The following LSM11 variants were observed in gnomAD, a reference collection of about 807,000 sequenced individuals.
The protein encoded by LSM11 is LSM11, U7 small nuclear RNA associated.
In LSM11, 14 loss-of-function variants were observed where a neutral mutation model predicts 28.1. The observed-to-expected ratio is 0.50, with a 90% CI of 0.33 to 0.78. LSM11 has a LOEUF of 0.78. LSM11 is among the 30% of genes least tolerant of loss of function. The pLI, the probability that LSM11 is intolerant of heterozygous loss-of-function variation, is 0.02. For missense variants in LSM11, 495 were observed against 510.6 expected (o/e 0.97, Z 0.30); for synonymous variants, 207 against 214.2 (o/e 0.97, Z 0.30).
intron 2 of LSM11, among the ~76,000 whole-genome samples, chr5:157,752,832 C>T (rs150306058): frequency 1.9e-4 from 24 of 127,158 alleles, no homozygotes; most frequent in African/African-American, 5.2e-4. Context: ...GGTGGCAGAG[C>T]GAGACTCTGT....
At chr5:157,752,670 A>AC (rs1384379879) in intron 2 of LSM11, among the ~76,000 whole-genome samples, 3 of 150,064 alleles carry the variant, frequency 2.0e-5, no homozygotes, top group Middle Eastern at 3.2e-3. Flanking sequence ...ACATAGGGAA[A>AC]CCCCCATCTC....
chr5:157,749,728 T>C (rs187239537), intron 1 of LSM11, among the ~76,000 whole-genome samples: 1 of 152,358 alleles, frequency 6.6e-6, no homozygotes, highest in Admixed American at 6.5e-5. Flanking sequence ...AAGTCACTGC[T>C]TCGTGTCGCT....
chr5:157,745,357 T>C (rs1258336663), intron 1 of LSM11, among the ~76,000 whole-genome samples: 1 of 152,232 alleles, frequency 6.6e-6, no homozygotes, highest in Non-Finnish European at 1.5e-5. Context: ...CTCTGTGCTG[T>C]TCCGTGTGCC....
chr5:157,752,629 TG>T (rs1278859632), intron 2 of LSM11, among the ~76,000 whole-genome samples: 1 of 151,180 alleles, frequency 6.6e-6, no homozygotes, highest in East Asian at 2.0e-4. Flanking sequence ...GCGGATCGCC[TG>T]AGGCCAGGAG....
Position 157,757,757 on chromosome 5 carries a change from C to G in LSM11, c.*2493C>G, listed in dbSNP as rs1446879201. On this transcript the variant is annotated 3_prime_UTR_variant, in exon 4 of 4. Transcript: ENST00000286307. ...CCCTCGGCTAGAATGATGTACTCTACTTTCCCAATAAGGTAGAAATTTGGA... is the reference window on the plus strand; with the variant it reads ...CCCTCGGCTAGAATGATGTACTCTAGTTTCCCAATAAGGTAGAAATTTGGA... The G allele has an allele frequency of 1.3e-5, 2 of 152,232 alleles. No homozygotes were observed. Among genetic ancestry groups the G allele is most frequent in the Non-Finnish European group, 2.9e-5 (2 of 68,046 alleles). 9.4% of individuals were successfully genotyped at this position (152,232 alleles called of 1,614,324 possible). A position where few individuals can be genotyped will look rare whatever the true frequency, so the allele number is the denominator to read the frequency against.
Position 157,757,539 on chromosome 5 carries a change from G to A in LSM11, c.*2275G>A, listed in dbSNP as rs796873034. ...AATGCATTGTAAAGTGTACTCTAGA[G>A]CCAGATCAGGTGCACTAAAGTTTAT... On this transcript the variant is annotated 3_prime_UTR_variant, in exon 4 of 4. Transcript: ENST00000286307. 1.3e-5 allele frequency: 2 copies of A among 152,186 alleles called. No individual in the cohort carries two copies. The highest frequency in any genetic ancestry group is 2.9e-5 in the Non-Finnish European group (2 of 68,034). 9.4% of individuals were successfully genotyped at this position (152,186 alleles called of 1,614,324 possible). A position where few individuals can be genotyped will look rare whatever the true frequency, so the allele number is the denominator to read the frequency against.
chr5:157,751,242 G>C, intron 1 of LSM11, 148 bp from the exon 2 acceptor site: 1 of 741,978 alleles, frequency 1.3e-6, no homozygotes, highest in Non-Finnish European at 2.1e-6. Flanking sequence ...TACGAGCCAT[G>C]TTGCCCATTG....
At chr5:157,748,575 A>G (rs1722157891) in intron 1 of LSM11, among the ~76,000 whole-genome samples, 1 of 152,170 alleles carries the variant, frequency 6.6e-6, no homozygotes, top group African/African-American at 2.4e-5. Context: ...GTAGCATATA[A>G]GCCCTGCATC....
At chr5:157,746,369 TAATG>T (rs1761148533) in intron 1 of LSM11, among the ~76,000 whole-genome samples, 1 of 152,198 alleles carries the variant, frequency 6.6e-6, no homozygotes, top group South Asian at 2.1e-4. Flanking sequence ...CAGTGAAACA[TAATG>T]AAGAATACAT....
chr5:157,756,479 T>A lies in LSM11; in HGVS notation c.*1215T>A, dbSNP rs964632134. 2.6e-5 allele frequency: 4 copies of A among 152,634 alleles called. No individual in the cohort carries two copies. Among genetic ancestry groups the A allele is most frequent in the African/African-American group, 9.6e-5 (4 of 41,464 alleles). The allele number at this position is 152,634 out of a possible 1,614,324, so 9.5% of individuals were successfully genotyped here. A position where few individuals can be genotyped will look rare whatever the true frequency, so the allele number is the denominator to read the frequency against. ...TGTTTTGTTTTTATTTGGTTTTATC[T>A]GAGATAACTTATGTTCAAGGTGAGA... On this transcript the variant is annotated 3_prime_UTR_variant, in exon 4 of 4. Transcript: ENST00000286307.
At position 157,755,063 on chromosome 5, in the gene LSM11, G is replaced by C. The variant is rs1468922994; in HGVS notation, c.882G>C (p.Arg294Ser). 7 of 1,614,108 alleles carry C rather than the reference G, an allele frequency of 4.3e-6. No homozygotes were observed. In the African/African-American group the frequency reaches 8.0e-5, roughly 18 times the overall value. ...SLQASAREES[R>S]SELSGRTTRT... ...AGGCCTCTGCAAGGGAGGAGTCCAG[G>C]TCAGAGCTGTCAGGGAGGACTACAC... is the stretch of plus-strand genomic sequence containing the variant. The change falls in exon 4 of 4, where the codon AGG becomes AGC. Residue 294 changes from arginine to serine, a missense_variant. Coordinates refer to ENST00000286307, the MANE Select transcript of LSM11 (RefSeq NM_173491.4).
At position 157,744,258 on chromosome 5, in the gene LSM11, G is replaced by GGGGC. The variant is rs1486308991; in HGVS notation, c.448+62_448+65dup. 3 of 1,205,128 alleles carry GGGGC rather than the reference G, an allele frequency of 2.5e-6. No homozygotes were observed. In the African/African-American group the frequency reaches 4.7e-5, roughly 19 times the overall value. 74.7% of individuals were successfully genotyped at this position (1,205,128 alleles called of 1,614,324 possible). A position where few individuals can be genotyped will look rare whatever the true frequency, so the allele number is the denominator to read the frequency against. ...CGCCGTCCGGAAGCTGGCTGCCGAG[G>GGGGC]GGGCGTCTGCGGGGCGGCGGTGGCC... On this transcript the variant is annotated intron_variant, in intron 1 of 3. Coordinates refer to ENST00000286307, the MANE Select transcript of LSM11 (RefSeq NM_173491.4).
intron 1 of LSM11, among the ~76,000 whole-genome samples, chr5:157,746,873 A>G: frequency 6.6e-6 from 1 of 152,174 alleles, no homozygotes; most frequent in Non-Finnish European, 1.5e-5. Flanking sequence ...TCATAGGGAC[A>G]TCATAGAGAC....
At chr5:157,753,051 G>A (rs1581452307) in intron 2 of LSM11, among the ~76,000 whole-genome samples, 2 of 152,274 alleles carry the variant, frequency 1.3e-5, no homozygotes, top group East Asian at 3.9e-4. Flanking sequence ...CAATGAATGA[G>A]TTGTGGGTAC....
At chr5:157,749,596 A>C (rs1051557162) in intron 1 of LSM11, among the ~76,000 whole-genome samples, 11 of 139,654 alleles carry the variant, frequency 7.9e-5, no homozygotes, top group Non-Finnish European at 1.4e-4. Flanking sequence ...GCGCACACAC[A>C]CACACACACA....
In LSM11 at chr5:157,754,047, G is replaced by T; in HGVS notation, c.632G>T (p.Gly211Val). Residue 211 changes from glycine (G) to valine (V), a missense_variant, in exon 3 of 4, where the codon GGC (glycine) becomes GTC (valine). Physicochemically the swap from Gly to Val is moderately radical, Grantham distance 109. Transcript: ENST00000286307. ...VDETYRKPVL[G>V]KAYERDSSLT... ...GAGACCTACCGAAAACCTGTCCTAGGCAAAGCATATGAACGGGATTCTTCA... is the reference window on the plus strand; with the variant it reads ...GAGACCTACCGAAAACCTGTCCTAGTCAAAGCATATGAACGGGATTCTTCA... 6.3e-7 allele frequency: 1 copy of T among 1,575,000 alleles called. No homozygotes were observed. The highest frequency in any genetic ancestry group is 1.2e-5 in the South Asian group (1 of 84,688).
chr5:157,748,230 G>A (rs1223286997), intron 1 of LSM11, among the ~76,000 whole-genome samples: 1 of 152,126 alleles, frequency 6.6e-6, no homozygotes, highest in Non-Finnish European at 1.5e-5. Context: ...TCATTTCTCT[G>A]GGCCCTTAAT....
Position 157,754,927 on chromosome 5 carries a change from C to T in LSM11, c.746C>T (p.Thr249Ile), listed in dbSNP as rs780925147. 2 of 1,614,218 alleles carry T rather than the reference C, an allele frequency of 1.2e-6. No individual in the cohort carries two copies. Among genetic ancestry groups the T allele is most frequent in the Admixed American group, 1.7e-5 (1 of 60,032 alleles). Residue 249 changes from threonine to isoleucine, a missense_variant, in exon 4 of 4, where the codon ACT (threonine) becomes ATT (isoleucine). Thr to Ile is a moderately conservative substitution (Grantham distance 89, BLOSUM62 -1). Transcript: ENST00000286307. Reference protein sequence around the residue: ...ADSKSAVEDSTLSRYSQTSTW... With the variant: ...ADSKSAVEDSILSRYSQTSTW... ...TCTAAGTCTGCAGTTGAAGATTCCA[C>T]TCTGTCTAGATACTCACAGACATCC...
At position 157,743,891 on chromosome 5, in the gene LSM11, C is replaced by T. The variant is rs781164276; in HGVS notation, c.141C>T (p.Tyr47=). Residue 47 remains tyrosine, a synonymous_variant, in exon 1 of 4, where the codon TAC becomes TAT. Transcript: ENST00000286307. ...LYAPRLPPIP[Y]PNAPCFNNVA... ...CGCCCCGCCTGCCTCCCATTCCCTA[C>T]CCCAATGCCCCCTGCTTCAACAACG... 2.1e-5 allele frequency: 33 copies of T among 1,543,528 alleles called. No individual in the cohort carries two copies. The highest frequency in any genetic ancestry group is 7.9e-6 in the Non-Finnish European group (9 of 1,146,164).
Sources: allele counts gnomAD v4.1 joint callset (sites outside exome capture counted in the v4.1 genomes callset), GRCh38; gene constraint gnomAD v4.1.1; transcripts MANE v1.5; gene names NCBI Gene and HGNC (gene_info 2026-07-23, HGNC 2026-07-21).